The following SLC24A4 variants were observed in gnomAD, a reference collection of about 807,000 sequenced individuals.
SLC24A4 encodes sodium/potassium/calcium exchanger 4.
In SLC24A4, 53 loss-of-function variants were observed where a neutral mutation model predicts 79.0. The ratio of observed to expected loss-of-function variants is 0.67; its 90% CI spans 0.54 to 0.84. The LOEUF (loss-of-function observed/expected upper bound fraction) is 0.84. SLC24A4 is among the 40% of genes least tolerant of loss of function. The pLI, the probability that SLC24A4 is intolerant of heterozygous loss-of-function variation, is 0.00. For synonymous variants in SLC24A4, 323 were observed against 323.8 expected (o/e 1.00, Z 0.03); for missense variants, 731 against 822.0 (o/e 0.89, Z 1.35).
rs1425919644 is a variant in SLC24A4, at chr14:92,444,922, TACACACACATAC to T, written c.658-385_658-374del. On this transcript the variant is annotated intron_variant, in intron 7 of 16. Coordinates refer to ENST00000532405, the MANE Select transcript of SLC24A4 (RefSeq NM_153646.4). ...CATATATACACACACACACCCTATA[TACACACACATAC>T]ACACACACACACACACACACACACA... Among the ~76,000 whole-genome samples, 6 of 77,114 alleles carry T rather than the reference TACACACACATAC, an allele frequency of 7.8e-5. No homozygotes were observed. In the South Asian group the frequency reaches 1.8e-3, roughly 23 times the overall value. 50.6% of individuals were successfully genotyped at this position (77,114 alleles called of 152,430 possible).
intron 2 of SLC24A4, among the ~76,000 whole-genome samples, chr14:92,376,515 T>G (rs1471196865): frequency 6.6e-6 from 1 of 152,364 alleles, no homozygotes; most frequent in East Asian, 1.9e-4. Flanking sequence ...GTCCATGGTA[T>G]TTTGCATACA....
At chr14:92,455,751 G>A (rs758312138) in intron 11 of SLC24A4, among the ~76,000 whole-genome samples, 1 of 151,328 alleles carries the variant, frequency 6.6e-6, no homozygotes, top group Non-Finnish European at 1.5e-5. Flanking sequence ...TCTTGCTTTT[G>A]TTGCCCAGGC....
chr14:92,466,335 C>T (rs116576808), intron 12 of SLC24A4, among the ~76,000 whole-genome samples: 1,656 of 152,292 alleles, frequency 0.011, 41 homozygotes, highest in African/African-American at 0.038. Context: ...TTTTCAGTCT[C>T]ACAGTAGCAC....
rs587777536 is a variant in SLC24A4 at position 92,486,738 on chromosome 14, A to T, written c.1495A>T (p.Ser499Cys). 6.2e-7 allele frequency: 1 copy of T among 1,614,146 alleles called. No individual in the cohort carries two copies. The highest frequency in any genetic ancestry group is 1.1e-5 in the South Asian group (1 of 91,078). Residue 499 changes from serine (S) to cysteine (C), a missense_variant, in exon 14 of 17, where the codon AGT becomes TGT. Coordinates refer to ENST00000532405, the MANE Select transcript of SLC24A4 (RefSeq NM_153646.4). ...MGITFLAAGTSVPDCMASLIV... is the reference protein window; with the variant it reads ...MGITFLAAGTCVPDCMASLIV... ...CATTACTTTCCTGGCAGCAGGGACA[A>T]GTGTTCCAGACTGCATGGCCAGCCT...
chr14:92,465,942 C>G (rs1449223084), intron 12 of SLC24A4, among the ~76,000 whole-genome samples: 1 of 152,214 alleles, frequency 6.6e-6, no homozygotes, highest in Non-Finnish European at 1.5e-5. Flanking sequence ...TTCCTCTTCC[C>G]CACAAACCTC....
intron 2 of SLC24A4, among the ~76,000 whole-genome samples, chr14:92,404,958 T>C (rs377746838): frequency 4.2e-4 from 64 of 152,336 alleles, no homozygotes; most frequent in African/African-American, 1.4e-3. Context: ...ATAAGTCTTA[T>C]ACATTTAAAT....
chr14:92,348,359 C>T (rs565366575), intron 2 of SLC24A4, among the ~76,000 whole-genome samples: 18 of 152,338 alleles, frequency 1.2e-4, no homozygotes, highest in African/African-American at 3.8e-4. Context: ...TCAACAAACT[C>T]TTTGTGTAAA....
chr14:92,444,218 A>G (rs1045478244), intron 7 of SLC24A4, among the ~76,000 whole-genome samples: 1 of 152,164 alleles, frequency 6.6e-6, no homozygotes, highest in Non-Finnish European at 1.5e-5. Context: ...TAACTATAAT[A>G]CAAAGGAGAA....
chr14:92,460,908 T>G (rs1469842105), intron 12 of SLC24A4, among the ~76,000 whole-genome samples: 1 of 152,086 alleles, frequency 6.6e-6, no homozygotes, highest in Non-Finnish European at 1.5e-5. Flanking sequence ...TGATGGTGGA[T>G]TTACAGGTGG....
At chr14:92,364,710 C>T (rs1462176337) in intron 2 of SLC24A4, among the ~76,000 whole-genome samples, 2 of 152,204 alleles carry the variant, frequency 1.3e-5, no homozygotes, top group Non-Finnish European at 2.9e-5. Context: ...CTTCTTCCTT[C>T]AGGCCTCACC....
At chr14:92,485,289 C>A (rs1895287351) in intron 13 of SLC24A4, among the ~76,000 whole-genome samples, 1 of 151,990 alleles carries the variant, frequency 6.6e-6, no homozygotes, top group Non-Finnish European at 1.5e-5. Flanking sequence ...CATAGTGAGA[C>A]CCTGTGTCTA....
chr14:92,434,105 G>A (rs1395065856), intron 3 of SLC24A4, 117 bp downstream of exon 3: 4 of 804,884 alleles, frequency 5.0e-6, no homozygotes, highest in Non-Finnish European at 8.6e-6. Flanking sequence ...CCAGTGAGGA[G>A]AGCGGAGACT....
chr14:92,443,417 G>C lies in SLC24A4; in HGVS notation c.600G>C (p.Trp200Cys), dbSNP rs771184997. ...GCTGGCAGGTGGTCCGTCTGACGTG[G>C]TGGGCCGTGTGCCGAGACTCCGTGT... is the stretch of plus-strand genomic sequence containing the variant. ...LFAGQVVRLT[W>C]WAVCRDSVYY... Residue 200 changes from tryptophan (W) to cysteine (C), a missense_variant, in exon 7 of 17, where the codon TGG becomes TGC. Coordinates refer to ENST00000532405, the MANE Select transcript of SLC24A4 (RefSeq NM_153646.4). 1 of 1,614,136 alleles carries C rather than the reference G, an allele frequency of 6.2e-7. No homozygotes were observed. Among genetic ancestry groups the C allele is most frequent in the Non-Finnish European group, 8.5e-7 (1 of 1,180,016 alleles).
intron 10 of SLC24A4, 65 bp from the exon 11 acceptor site, chr14:92,453,835 T>A (rs1399532365): frequency 1.3e-5 from 20 of 1,492,704 alleles, no homozygotes; most frequent in Non-Finnish European, 1.8e-5. Context: ...GGGAAGTCAG[T>A]GGCCCCAGCA....
intron 12 of SLC24A4, among the ~76,000 whole-genome samples, chr14:92,481,033 C>T (rs1566800446): frequency 1.3e-5 from 2 of 152,210 alleles, no homozygotes; most frequent in African/African-American, 2.4e-5. Flanking sequence ...AATCGTTCTC[C>T]CAGTCTTTGC....
chr14:92,446,534 T>C (rs1365383502), intron 8 of SLC24A4, among the ~76,000 whole-genome samples: 1 of 152,230 alleles, frequency 6.6e-6, no homozygotes, highest in Non-Finnish European at 1.5e-5. Flanking sequence ...AACCTGGTTC[T>C]GGTCCTCTCC....
At chr14:92,437,166 C>T (rs1362114848) in intron 3 of SLC24A4, among the ~76,000 whole-genome samples, 1 of 152,166 alleles carries the variant, frequency 6.6e-6, no homozygotes. Flanking sequence ...ATCTCTTTTT[C>T]CGTGGGTCCT....
chr14:92,408,603 C>T (rs1444596427), intron 2 of SLC24A4, among the ~76,000 whole-genome samples: 2 of 152,146 alleles, frequency 1.3e-5, no homozygotes, highest in Admixed American at 6.5e-5. Flanking sequence ...TCAGGCAAGT[C>T]ACTTAGCTTT....
intron 2 of SLC24A4, among the ~76,000 whole-genome samples, chr14:92,405,729 A>G (rs983204214): frequency 2.0e-5 from 3 of 152,144 alleles, no homozygotes; most frequent in Non-Finnish European, 4.4e-5. Flanking sequence ...GAGAACCATC[A>G]TGAGAACAGT....
Sources: gnomAD v4.1 joint callset for allele counts (sites outside exome capture counted in the v4.1 genomes callset) on GRCh38, gnomAD v4.1.1 for gene constraint, MANE v1.5 for transcripts, NCBI Gene and HGNC (gene_info 2026-07-23, HGNC 2026-07-21) for gene names.